IKZF4: variants seen among roughly 807,000 people sequenced by gnomAD.
The protein encoded by IKZF4 is zinc finger protein Eos.
A neutral mutation model predicts 47.7 loss-of-function variants in IKZF4; 11 were observed. The ratio of observed to expected loss-of-function variants is 0.23; its 90% CI spans 0.15 to 0.38. IKZF4 has a LOEUF of 0.38. Ranked by LOEUF, IKZF4 falls within the 10% of genes least tolerant of loss-of-function variation. The probability of loss-of-function intolerance (pLI) is 1.00; values close to 1 mark genes in which losing one functional copy is unlikely to be tolerated. For synonymous variants in IKZF4, 298 were observed against 299.4 expected, an observed-to-expected ratio of 1.00 and a Z score of 0.05; for missense variants, 557 against 784.9, an observed-to-expected ratio of 0.71 and a Z score of 3.47.
upstream of IKZF4, among the ~76,000 whole-genome samples, chr12:56,020,456 CTG>C (rs972282867): frequency 9.2e-5 from 14 of 152,190 alleles, no homozygotes; most frequent in South Asian, 2.1e-4. Flanking sequence ...TTTTCTGAGA[CTG>C]TGAAATGTTT....
At chr12:56,012,272 C>CTTTTTT in intron 2 of IKZF4, among the ~76,000 whole-genome samples, 1 of 134,892 alleles carries the variant, frequency 7.4e-6, no homozygotes, top group Non-Finnish European at 1.6e-5. Flanking sequence ...TGTTAAATGA[C>CTTTTTT]TTTTTTTTTT....
chr12:56,021,020 ATCTCTCTC>A, upstream of IKZF4: 6 of 787,530 alleles, frequency 7.6e-6, no homozygotes, highest in South Asian at 2.8e-4. Context: ...AGGCCCATCC[ATCTCTCTC>A]TCTCTCTCTT....
At chr12:56,018,020 T>C (rs979715394), upstream of IKZF4, 8 of 672,124 alleles carry the variant, frequency 1.2e-5, no homozygotes, top group African/African-American at 1.3e-4. Flanking sequence ...TATCAGACCA[T>C]GCTTAAGTGC....
chr12:56,023,848 T>C (rs1893492281), intron 2 of IKZF4, 84 bp downstream of exon 2: 11 of 1,545,346 alleles, frequency 7.1e-6, no homozygotes, highest in Non-Finnish European at 2.6e-6. Context: ...TCTCTCTTTC[T>C]TGCACTCTCC....
At chr12:56,015,848 A>G (rs562860240) in intron 2 of IKZF4, among the ~76,000 whole-genome samples, 1 of 152,282 alleles carries the variant, frequency 6.6e-6, no homozygotes, top group South Asian at 2.1e-4. Context: ...TGAGTTCTCT[A>G]ACAACTGTGG....
At chr12:56,012,064 TTG>T (rs2136542067) in intron 2 of IKZF4, among the ~76,000 whole-genome samples, 1 of 152,260 alleles carries the variant, frequency 6.6e-6, no homozygotes, top group East Asian at 1.9e-4. Context: ...AAGTTCTGTC[TTG>T]TTAATAACTA....
In IKZF4 at chr12:56,024,547, G is replaced by T. The variant is rs1443867522; in HGVS notation, c.182-507G>T. 4.2e-6 allele frequency: 3 copies of T among 708,154 alleles called. No individual in the cohort carries two copies. The African/African-American group carries it at 5.8e-5, about 14-fold the overall frequency. The allele number at this position is 708,154 out of a possible 1,614,324, so 43.9% of individuals were successfully genotyped here. A position where few individuals can be genotyped will look rare whatever the true frequency, so the allele number is the denominator to read the frequency against. The stretch of plus-strand genomic sequence containing the variant: ...GATTAAATGAAATTATTCATTTCAA[G>T]TGCACAGAATAAAGCCTGGCACATA... On this transcript the variant is annotated intron_variant, in intron 2 of 7. Transcript: ENST00000547167.
At chr12:56,020,663 G>A (rs1892737612), upstream of IKZF4, among the ~76,000 whole-genome samples, 1 of 152,170 alleles carries the variant, frequency 6.6e-6, no homozygotes, top group Admixed American at 6.5e-5. Flanking sequence ...GCTTTCGGCT[G>A]CTGGGGCCCC....
rs1270273184 is a variant in IKZF4 at position 56,033,190 on chromosome 12, G to C, written c.866G>C (p.Gly289Ala). The change falls in exon 7 of 8, where the codon GGT becomes GCT. Residue 289 changes from glycine to alanine, a missense_variant and splice_region_variant. Gly to Ala is a moderately conservative substitution (Grantham distance 60). Transcript: ENST00000547167. ...TEAQALAGQP[G>A]DEIRDLEMVP... Reference sequence around the variant, plus strand: ...ACTGTCTCCACCTTCTTCCCACTAGGTGACGAAATACGTGACCTGGAGATG... The same window carrying C: ...ACTGTCTCCACCTTCTTCCCACTAGCTGACGAAATACGTGACCTGGAGATG... 5.6e-6 allele frequency: 9 copies of C among 1,613,780 alleles called. No homozygotes were observed. The highest frequency in any genetic ancestry group is 7.6e-6 in the Non-Finnish European group (9 of 1,179,784).
At chr12:56,025,247 C>A in intron 3 of IKZF4, 89 bp downstream of exon 3, 1 of 1,349,582 alleles carries the variant, frequency 7.4e-7, no homozygotes, top group Non-Finnish European at 9.9e-7. Context: ...ACCATTTCCC[C>A]ATCGTCACCT....
Position 56,021,451 on chromosome 12 carries a change from G to A in IKZF4, c.-43G>A, listed in dbSNP as rs1434189812. 1.3e-6 allele frequency: 2 copies of A among 1,562,786 alleles called. No individual in the cohort carries two copies. Among genetic ancestry groups the A allele is most frequent in the African/African-American group, 2.7e-5 (2 of 73,328 alleles). On this transcript the variant is annotated 5_prime_UTR_variant, in exon 1 of 8. It adds an upstream start codon to the 5' untranslated region. Coordinates refer to ENST00000547167, the MANE Select transcript of IKZF4 (RefSeq NM_022465.4). ...TCCAGGAATCCACGCTTCCTGGAAG[G>A]TGAGTGGCTGGGCTCACCCCTGCCT... is the stretch of plus-strand genomic sequence containing the variant.
rs67296911 is a variant in IKZF4 at position 56,021,688 on chromosome 12, CTGTGTGTGTGTG to C, written c.87+140_87+151del. The C allele has an allele frequency of 0.011, 7,283 of 658,782 alleles. 146 individuals are homozygous for C. The East Asian group carries it at 0.15, about 13-fold the overall frequency. 40.8% of individuals were successfully genotyped at this position (658,782 alleles called of 1,614,324 possible). On this transcript the variant is annotated intron_variant, in intron 1 of 7. Transcript: ENST00000547167. ...CCTGAGGAGATGGAGAGGATGGGGGCTGTGTGTGTGTGTGTGTGTGTGTGTGTGTGTGTGTGT... is the reference window on the plus strand; with the variant it reads ...CCTGAGGAGATGGAGAGGATGGGGGCTGTGTGTGTGTGTGTGTGTGTGTGT...
At chr12:56,032,847 A>G (rs1592993989) in intron 6 of IKZF4, 137 bp downstream of exon 6, 1 of 1,069,912 alleles carries the variant, frequency 9.3e-7, no homozygotes, top group Non-Finnish European at 1.4e-6. Context: ...TAAATCTGCC[A>G]AACACCCCAT....
At chr12:56,009,002 C>T (rs946407019) in intron 1 of IKZF4, among the ~76,000 whole-genome samples, 1 of 152,056 alleles carries the variant, frequency 6.6e-6, no homozygotes, top group African/African-American at 2.4e-5. Context: ...TACCTTATTT[C>T]GCCCCATTCC....
chr12:56,033,457 C>T (rs951348083), intron 7 of IKZF4, 136 bp downstream of exon 7: 5 of 1,129,392 alleles, frequency 4.4e-6, no homozygotes, highest in Admixed American at 2.0e-5. Flanking sequence ...TCTGTAATCC[C>T]AGCACTTTGG....
chr12:56,007,818 G>A (rs573070050), intron 1 of IKZF4: 51 of 151,906 alleles, frequency 3.4e-4, no homozygotes, highest in African/African-American at 1.2e-3. Context: ...GCTCTGGCGT[G>A]AAGGAGGGGG....
chr12:56,038,204 C>G lies in IKZF4; in HGVS notation c.*2873C>G, dbSNP rs1329853660. On this transcript the variant is annotated 3_prime_UTR_variant, in exon 8 of 8. Coordinates refer to ENST00000547167, the MANE Select transcript of IKZF4 (RefSeq NM_022465.4). ...AGCCTATGTTTGGTGTCTCTTTTGA[C>G]CTTTACCCCTTCACCTCCTCCTCTC... 1 of 152,358 alleles carries G rather than the reference C, an allele frequency of 6.6e-6. No individual in the cohort carries two copies. Among genetic ancestry groups the G allele is most frequent in the Non-Finnish European group, 1.5e-5 (1 of 67,974 alleles). 9.4% of individuals were successfully genotyped at this position (152,358 alleles called of 1,614,324 possible). A position where few individuals can be genotyped will look rare whatever the true frequency, so the allele number is the denominator to read the frequency against.
chr12:56,016,862 G>A (rs1892150983), upstream of IKZF4, among the ~76,000 whole-genome samples: 1 of 151,994 alleles, frequency 6.6e-6, no homozygotes, highest in African/African-American at 2.4e-5. Context: ...CCAGAGTACT[G>A]GGATTACAGG....
intron 2 of IKZF4, among the ~76,000 whole-genome samples, chr12:56,014,840 C>T (rs1054726425): frequency 6.6e-6 from 1 of 152,130 alleles, no homozygotes; most frequent in Non-Finnish European, 1.5e-5. Context: ...CCCATGAAGG[C>T]CTTGAGTAGC....
Sources: gnomAD v4.1 joint callset for allele counts (sites outside exome capture counted in the v4.1 genomes callset) on GRCh38, gnomAD v4.1.1 for gene constraint, MANE v1.5 for transcripts, NCBI Gene and HGNC (gene_info 2026-07-23, HGNC 2026-07-21) for gene names.